Variants in TUBB2A observed in about 807,000 individuals in gnomAD.
TUBB2A encodes the protein tubulin beta-2A chain.
Under a neutral mutation model 33.9 loss-of-function variants are expected in TUBB2A, and 7 were observed. That is an observed-to-expected ratio of 0.21 (90% CI 0.12 to 0.39). The LOEUF (loss-of-function observed/expected upper bound fraction) is 0.39. Ranked by LOEUF, TUBB2A falls within the 10% of genes least tolerant of loss-of-function variation. The pLI is 1.00. For missense variants in TUBB2A, 80 were observed against 593.4 expected (o/e 0.13, Z 8.99); for synonymous variants, 187 against 247.6 (o/e 0.76, Z 2.30).
chr6:3,157,002 C>A (rs1184190800), intron 1 of TUBB2A, among the ~76,000 whole-genome samples: 3 of 152,366 alleles, frequency 2.0e-5, no homozygotes. Flanking sequence ...CTGTACGACC[C>A]AAAGGGACGC....
chr6:3,157,034 A>T (rs1379500785), intron 1 of TUBB2A, among the ~76,000 whole-genome samples: 2 of 152,260 alleles, frequency 1.3e-5, no homozygotes, highest in Non-Finnish European at 2.9e-5. Flanking sequence ...CTGCCAGTCC[A>T]GTGACACTGC....
chr6:3,157,319 C>T, intron 1 of TUBB2A, 88 bp downstream of exon 1: 1 of 1,271,056 alleles, frequency 7.9e-7, no homozygotes, highest in South Asian at 2.6e-5. Flanking sequence ...CCGGCCAGCC[C>T]GGGGCCGCCG....
chr6:3,156,002 T>C, intron 2 of TUBB2A, 42 bp downstream of exon 2: 1 of 1,490,070 alleles, frequency 6.7e-7, no homozygotes, highest in Non-Finnish European at 9.1e-7. Flanking sequence ...TCCCACATCA[T>C]GGAAAGCAAG....
At position 3,156,159 on chromosome 6, in the gene TUBB2A, T is replaced by G. The variant is rs763881955; in HGVS notation, c.58-7A>C. 9 of 1,613,494 alleles carry G rather than the reference T, an allele frequency of 5.6e-6. No individual in the cohort carries two copies. The South Asian group carries it at 9.9e-5, about 18-fold the overall frequency. On this transcript the variant is annotated splice_polypyrimidine_tract_variant and splice_region_variant and intron_variant, in intron 1 of 3. Transcript: ENST00000333628. ...CGCTGATGACCTCCCAAAACTGAAATGAAAAAAGAACCACACCATGGCTCT... is the reference window on the plus strand; with the variant it reads ...CGCTGATGACCTCCCAAAACTGAAAGGAAAAAAGAACCACACCATGGCTCT...
Position 3,155,175 on chromosome 6 carries a change from T to C in TUBB2A, c.278-252A>G. ...AGGAAGAGGATAGGGTTAGAAAACT[T>C]AATTGGTTCTGAAATACATACATTT... is the stretch of plus-strand genomic sequence containing the variant. On this transcript the variant is annotated intron_variant, in intron 3 of 3. Transcript: ENST00000333628. This position sits in a 1 kb window ranked among gnomAD's most constrained non-coding sequence, Gnocchi z 4.2. The C allele has an allele frequency of 9.9e-7, 1 of 1,009,490 alleles. No homozygotes were observed. 62.5% of individuals were successfully genotyped at this position (1,009,490 alleles called of 1,614,324 possible). A position where few individuals can be genotyped will look rare whatever the true frequency, so the allele number is the denominator to read the frequency against.
chr6:3,155,201 T>C lies in TUBB2A; in HGVS notation c.278-278A>G. 3 of 823,256 alleles carry C rather than the reference T, an allele frequency of 3.6e-6. No individual in the cohort carries two copies. The highest frequency in any genetic ancestry group is 5.5e-6 in the Non-Finnish European group (3 of 546,082). The allele number at this position is 823,256 out of a possible 1,614,324, so 51.0% of individuals were successfully genotyped here. On this transcript the variant is annotated intron_variant, in intron 3 of 3. Coordinates refer to ENST00000333628, the MANE Select transcript of TUBB2A (RefSeq NM_001069.3). The surrounding 1 kb of genome is among the most constrained non-coding windows in gnomAD (Gnocchi z 4.2). ...AATTGGTTCTGAAATACATACATTTTTAAGAGGCATTCTCTTTATACTCAA... is the reference window on the plus strand; with the variant it reads ...AATTGGTTCTGAAATACATACATTTCTAAGAGGCATTCTCTTTATACTCAA...
In TUBB2A at chr6:3,155,482, G is replaced by A; in HGVS notation, c.277+143C>T. 1 of 580,742 alleles carries A rather than the reference G, an allele frequency of 1.7e-6. No homozygotes were observed. The highest frequency in any genetic ancestry group is 3.0e-6 in the Non-Finnish European group (1 of 337,254). The allele number at this position is 580,742 out of a possible 1,614,324, so 36.0% of individuals were successfully genotyped here. ...TGATCTGTGAGCCATGACCACCCATGGACTGCATGGAGCTAGGCCAGGACT... is the reference window on the plus strand; with the variant it reads ...TGATCTGTGAGCCATGACCACCCATAGACTGCATGGAGCTAGGCCAGGACT... On this transcript the variant is annotated intron_variant, in intron 3 of 3. Transcript: ENST00000333628. The surrounding 1 kb of genome is among the most constrained non-coding windows in gnomAD (Gnocchi z 4.2).
chr6:3,155,765 G>A lies in TUBB2A; in HGVS notation c.167-30C>T. The A allele has an allele frequency of 6.4e-7, 1 of 1,570,530 alleles. No homozygotes were observed. On this transcript the variant is annotated intron_variant, in intron 2 of 3. Transcript: ENST00000333628. This position sits in a 1 kb window ranked among gnomAD's most constrained non-coding sequence, Gnocchi z 4.2. ...AGGAAATAAGAACTGACTCAGGCCT[G>A]TGCTTGGGGAGGGACTCACAGCAGC...
At position 3,155,076 on chromosome 6, in the gene TUBB2A, G is replaced by A. The variant is rs1376587156; in HGVS notation, c.278-153C>T. On this transcript the variant is annotated intron_variant, in intron 3 of 3. Coordinates refer to ENST00000333628, the MANE Select transcript of TUBB2A (RefSeq NM_001069.3). The surrounding 1 kb of genome is among the most constrained non-coding windows in gnomAD (Gnocchi z 4.2). ...TTTACCTGAAGAAATATTTTTCTATGTCAGTGACCTCAAAAACACTGGGGA... is the reference window on the plus strand; with the variant it reads ...TTTACCTGAAGAAATATTTTTCTATATCAGTGACCTCAAAAACACTGGGGA... The A allele has an allele frequency of 6.7e-7, 1 of 1,489,126 alleles. No individual in the cohort carries two copies. The highest frequency in any genetic ancestry group is 9.0e-7 in the Non-Finnish European group (1 of 1,116,826). 92.2% of individuals were successfully genotyped at this position (1,489,126 alleles called of 1,614,324 possible). A position where few individuals can be genotyped will look rare whatever the true frequency, so the allele number is the denominator to read the frequency against.
At chr6:3,157,012 C>T (rs1762648313) in intron 1 of TUBB2A, among the ~76,000 whole-genome samples, 1 of 152,240 alleles carries the variant, frequency 6.6e-6, no homozygotes, top group Non-Finnish European at 1.5e-5. Flanking sequence ...CAAAGGGACG[C>T]CTCTGTTACA....
At position 3,153,798 on chromosome 6, in the gene TUBB2A, G is replaced by A. The variant is rs1044651891; in HGVS notation, c.*65C>T. On this transcript the variant is annotated 3_prime_UTR_variant, in exon 4 of 4. Transcript: ENST00000333628. ...CAAAACTGAGCACCATAGTTTACAA[G>A]TAGAAAGACCATGCTTGAGGACAAC... The A allele has an allele frequency of 6.2e-7, 1 of 1,601,376 alleles. No homozygotes were observed. Among genetic ancestry groups the A allele is most frequent in the African/African-American group, 1.3e-5 (1 of 74,684 alleles).
At position 3,155,959 on chromosome 6, in the gene TUBB2A, T is replaced by G. The variant is rs1762625356; in HGVS notation, c.166+85A>C. 6.9e-6 allele frequency: 10 copies of G among 1,444,734 alleles called. No homozygotes were observed. Among genetic ancestry groups the G allele is most frequent in the Admixed American group, 2.3e-5 (1 of 43,410 alleles). The allele number at this position is 1,444,734 out of a possible 1,614,324, so 89.5% of individuals were successfully genotyped here. A position where few individuals can be genotyped will look rare whatever the true frequency, so the allele number is the denominator to read the frequency against. On this transcript the variant is annotated intron_variant, in intron 2 of 3. Transcript: ENST00000333628. The surrounding 1 kb of genome is among the most constrained non-coding windows in gnomAD (Gnocchi z 4.2). Reference sequence around the variant, plus strand: ...GAAATGAATATGCAAGAAGCATGCCTTTGTCACGTGCATGTTCCTGGGACG... The same window carrying G: ...GAAATGAATATGCAAGAAGCATGCCGTTGTCACGTGCATGTTCCTGGGACG...
rs199973851 is a variant in TUBB2A at position 3,154,649 on chromosome 6, G to A, written c.552C>T (p.Asn184=). ...KVSDTVVEPY[N]ATLSVHQLVE... is the part of the protein sequence containing the mutation. Reference sequence around the variant, plus strand: ...CCAGCTGGTGGACAGAGAGGGTGGCGTTGTAGGGCTCCACCACCGTGTCTG... The same window carrying A: ...CCAGCTGGTGGACAGAGAGGGTGGCATTGTAGGGCTCCACCACCGTGTCTG... The change falls in exon 4 of 4, where the codon AAC becomes AAT. Residue 184 remains asparagine (N), a synonymous_variant. Coordinates refer to ENST00000333628, the MANE Select transcript of TUBB2A (RefSeq NM_001069.3). 1.0e-4 allele frequency: 168 copies of A among 1,613,860 alleles called. No homozygotes were observed. The highest frequency in any genetic ancestry group is 3.7e-4 in the Admixed American group (22 of 60,006).
chr6:3,157,260 A>G lies in TUBB2A; in HGVS notation c.57+147T>C, dbSNP rs1409002270. ...GGCGCTGCGGGCATCCTGGCGGGTCATGCAGCCTCCCGGACCCCGCCCGGC... is the reference window on the plus strand; with the variant it reads ...GGCGCTGCGGGCATCCTGGCGGGTCGTGCAGCCTCCCGGACCCCGCCCGGC... On this transcript the variant is annotated intron_variant, in intron 1 of 3. Transcript: ENST00000333628. 6.3e-6 allele frequency: 6 copies of G among 946,574 alleles called. No individual in the cohort carries two copies. The East Asian group carries it at 2.4e-4, about 37-fold the overall frequency. The allele number at this position is 946,574 out of a possible 1,614,324, so 58.6% of individuals were successfully genotyped here.
chr6:3,154,552 G>A lies in TUBB2A; in HGVS notation c.649C>T (p.Leu217=), dbSNP rs753740904. The change falls in exon 4 of 4, where the codon CTG becomes TTG. Residue 217 remains leucine (L), a synonymous_variant. Transcript: ENST00000333628. ...LYDICFRTLK[L]TTPTYGDLNH... ...AGGTCCCCGTAGGTGGGGGTGGTCA[G>A]CTTCAGGGTGCGGAAGCAGATGTCA... 1.5e-5 allele frequency: 25 copies of A among 1,613,442 alleles called. No homozygotes were observed. Among genetic ancestry groups the A allele is most frequent in the East Asian group, 8.9e-5 (4 of 44,854 alleles).
chr6:3,154,289 G>A lies in TUBB2A; in HGVS notation c.912C>T (p.Asp304=), dbSNP rs1397783051. Reference sequence around the variant, plus strand: ...CCGTCAGGTAGCGGCCGTGGCGCGGGTCGCAGGCGGCCATCATGTTCTTGG... The same window carrying A: ...CCGTCAGGTAGCGGCCGTGGCGCGGATCGCAGGCGGCCATCATGTTCTTGG... ...FDSKNMMAAC[D]PRHGRYLTVA... The change falls in exon 4 of 4, where the codon GAC becomes GAT. Residue 304 remains aspartate, a synonymous_variant. Coordinates refer to ENST00000333628, the MANE Select transcript of TUBB2A (RefSeq NM_001069.3). 1.2e-6 allele frequency: 1 copy of A among 850,822 alleles called. No individual in the cohort carries two copies. The highest frequency in any genetic ancestry group is 1.7e-6 in the Non-Finnish European group (1 of 582,586). 52.7% of individuals were successfully genotyped at this position (850,822 alleles called of 1,614,324 possible).
Position 3,155,007 on chromosome 6 carries a change from A to T in TUBB2A, c.278-84T>A. On this transcript the variant is annotated intron_variant, in intron 3 of 3. Coordinates refer to ENST00000333628, the MANE Select transcript of TUBB2A (RefSeq NM_001069.3). The surrounding 1 kb of genome is among the most constrained non-coding windows in gnomAD (Gnocchi z 4.2). ...TTTTGACTATGGAGGAGAAGGTAGGACTGGTCTTAGACTGGCAGATTCTTC... is the reference window on the plus strand; with the variant it reads ...TTTTGACTATGGAGGAGAAGGTAGGTCTGGTCTTAGACTGGCAGATTCTTC... 1 of 1,586,246 alleles carries T rather than the reference A, an allele frequency of 6.3e-7. No individual in the cohort carries two copies.
Position 3,155,722 on chromosome 6 carries a change from T to A in TUBB2A, c.180A>T (p.Val60=). The A allele has an allele frequency of 6.2e-7, 1 of 1,613,844 alleles. No individual in the cohort carries two copies. The highest frequency in any genetic ancestry group is 8.5e-7 in the Non-Finnish European group (1 of 1,179,892). The change falls in exon 3 of 4, where the codon GTA becomes GTT. Residue 60 remains valine, a synonymous_variant. Coordinates refer to ENST00000333628, the MANE Select transcript of TUBB2A (RefSeq NM_001069.3). This position sits in a 1 kb window ranked among gnomAD's most constrained non-coding sequence, Gnocchi z 4.2. ...CCAGATCCACCAGGATGGCCCGAGG[T>A]ACATATTTGTTACCTGCAGGAAATA... ...YYNEAAGNKY[V]PRAILVDLEP... is the part of the protein sequence containing the mutation.
In TUBB2A at chr6:3,157,340, C is replaced by T. The variant is rs563370647; in HGVS notation, c.57+67G>A. On this transcript the variant is annotated intron_variant, in intron 1 of 3. Coordinates refer to ENST00000333628, the MANE Select transcript of TUBB2A (RefSeq NM_001069.3). Reference sequence around the variant, plus strand: ...AGCCCGGGGCCGCCGCGGCCTCCAGCCCCCGCCCCGGCCCCAGCCCGCACC... The same window carrying T: ...AGCCCGGGGCCGCCGCGGCCTCCAGTCCCCGCCCCGGCCCCAGCCCGCACC... 992 of 1,340,244 alleles carry T rather than the reference C, an allele frequency of 7.4e-4. 8 individuals are homozygous for T. In the African/African-American group the frequency reaches 0.014, roughly 19 times the overall value. The allele number at this position is 1,340,244 out of a possible 1,614,324, so 83.0% of individuals were successfully genotyped here.
Sources: allele counts gnomAD v4.1 joint callset (sites outside exome capture counted in the v4.1 genomes callset), GRCh38; gene constraint gnomAD v4.1.1; non-coding constraint Gnocchi (gnomAD v3.1); transcripts MANE v1.5; gene names NCBI Gene and HGNC (gene_info 2026-07-23, HGNC 2026-07-21).